USP10: variants seen among roughly 807,000 people sequenced by gnomAD.
USP10 encodes the protein ubiquitin carboxyl-terminal hydrolase 10.
Under a neutral mutation model 84.5 loss-of-function variants are expected in USP10, and 22 were observed. The observed-to-expected ratio is 0.26, with a 90% CI of 0.19 to 0.37. USP10 has a LOEUF of 0.37. Ranked by LOEUF, USP10 falls within the 10% of genes least tolerant of loss-of-function variation. USP10 has a pLI of 1.00. For missense variants in USP10, 1,019 were observed against 998.9 expected, an observed-to-expected ratio of 1.02 and a Z score of -0.27; for synonymous variants, 454 against 387.6, an observed-to-expected ratio of 1.17 and a Z score of -2.01.
At chr16:84,765,560 T>G (rs1171877689) in intron 10 of USP10, among the ~76,000 whole-genome samples, 1 of 152,094 alleles carries the variant, frequency 6.6e-6, no homozygotes, top group Non-Finnish European at 1.5e-5. Context: ...TTTAACTTAG[T>G]ATAATGTTCC....
At chr16:84,732,121 C>T (rs911472231) in intron 1 of USP10, among the ~76,000 whole-genome samples, 1 of 152,194 alleles carries the variant, frequency 6.6e-6, no homozygotes. Context: ...TCTCCAGAAA[C>T]GTTTTCCCTG....
At position 84,700,099 on chromosome 16, in the gene USP10, C is replaced by T. The variant is rs1414930639; in HGVS notation, c.9C>T (p.Leu3=). Residue 3 remains leucine (L), a synonymous_variant, in exon 1 of 14, where the codon CTC becomes CTT. Transcript: ENST00000219473. MA[L]HSPQYIFGDF... ...CAATGAAACGGGCAGCCATGGCCCTCCACAGCCCGCAGGTAGCCGCCGGTC... is the reference window on the plus strand; with the variant it reads ...CAATGAAACGGGCAGCCATGGCCCTTCACAGCCCGCAGGTAGCCGCCGGTC... 7.4e-7 allele frequency: 1 copy of T among 1,358,886 alleles called. No homozygotes were observed. The highest frequency in any genetic ancestry group is 1.4e-5 in the South Asian group (1 of 71,110). The allele number at this position is 1,358,886 out of a possible 1,614,324, so 84.2% of individuals were successfully genotyped here. A position where few individuals can be genotyped will look rare whatever the true frequency, so the allele number is the denominator to read the frequency against.
intron 1 of USP10, among the ~76,000 whole-genome samples, chr16:84,728,123 G>A (rs1337323859): frequency 6.6e-6 from 1 of 152,126 alleles, no homozygotes. Context: ...ACATTTGATT[G>A]GAAGTTAGGA....
intron 4 of USP10, among the ~76,000 whole-genome samples, chr16:84,747,131 G>C (rs893961280): frequency 1.3e-5 from 2 of 152,176 alleles, no homozygotes; most frequent in Non-Finnish European, 2.9e-5. Context: ...GCGCGTGACT[G>C]TACGTACCTA....
rs1410741636 is a variant in USP10, at chr16:84,764,749, T to G, written c.1832+486T>G. Among the ~76,000 whole-genome samples the G allele has an allele frequency of 4.0e-5, 6 of 151,756 alleles. No individual in the cohort carries two copies. In the East Asian group the frequency reaches 1.2e-3, roughly 29 times the overall value. ...GGGAGGCTGAGGCAGGAGAATCGCT[T>G]GAACCCAGGAGGCAGAGGTTGCAGT... On this transcript the variant is annotated intron_variant, in intron 10 of 13. Transcript: ENST00000219473.
intron 4 of USP10, among the ~76,000 whole-genome samples, chr16:84,749,901 G>C (rs1247088219): frequency 6.6e-6 from 1 of 152,124 alleles, no homozygotes; most frequent in South Asian, 2.1e-4. Flanking sequence ...TGTTCCATTG[G>C]CTGTTTTTCA....
At chr16:84,748,907 T>C (rs1279802003) in intron 4 of USP10, among the ~76,000 whole-genome samples, 3 of 152,228 alleles carry the variant, frequency 2.0e-5, no homozygotes, top group African/African-American at 7.2e-5. Flanking sequence ...GGACATATTG[T>C]AAACCCCTAC....
At chr16:84,757,652 T>G (rs995076617) in intron 4 of USP10, among the ~76,000 whole-genome samples, 2 of 152,136 alleles carry the variant, frequency 1.3e-5, no homozygotes, top group Admixed American at 6.5e-5. Context: ...GAATTTTTGA[T>G]TTTTGTTGGT....
intron 2 of USP10, among the ~76,000 whole-genome samples, chr16:84,735,196 GGTGTGTGTGTGT>G (rs34240400): frequency 9.6e-5 from 14 of 146,380 alleles, no homozygotes; most frequent in African/African-American, 1.3e-4. Flanking sequence ...AGGCCCGGGT[GGTGTGTGTGTGT>G]GTGTGTGTGT....
chr16:84,773,535 C>T (rs965175525), intron 12 of USP10, among the ~76,000 whole-genome samples: 2 of 152,202 alleles, frequency 1.3e-5, no homozygotes, highest in Non-Finnish European at 2.9e-5. Flanking sequence ...CCTATACCTT[C>T]CCGTGAAGAC....
At chr16:84,763,893 C>A (rs566082211) in intron 9 of USP10, among the ~76,000 whole-genome samples, 193 bp from the exon 10 acceptor site, 1 of 151,466 alleles carries the variant, frequency 6.6e-6, no homozygotes, top group Non-Finnish European at 1.5e-5. Flanking sequence ...TGCCGTGGAT[C>A]CAGTGACATT....
At chr16:84,724,111 A>G (rs1231809015) in intron 1 of USP10, among the ~76,000 whole-genome samples, 1 of 152,234 alleles carries the variant, frequency 6.6e-6, no homozygotes, top group African/African-American at 2.4e-5. Flanking sequence ...AATTTTACAC[A>G]GGAAGTTATT....
chr16:84,725,024 C>T (rs1259151424), intron 1 of USP10, among the ~76,000 whole-genome samples: 1 of 152,108 alleles, frequency 6.6e-6, no homozygotes, highest in Non-Finnish European at 1.5e-5. Context: ...TTTTTTAAAA[C>T]TTTATTGAGA....
At chr16:84,758,650 G>A (rs1402924960) in intron 4 of USP10, 66 bp from the exon 5 acceptor site, 2 of 1,145,738 alleles carry the variant, frequency 1.7e-6, no homozygotes, top group Non-Finnish European at 2.6e-6. Flanking sequence ...TAGAGCATGT[G>A]AAATGATTTG....
At chr16:84,749,598 C>T (rs1418735075) in intron 4 of USP10, among the ~76,000 whole-genome samples, 3 of 151,730 alleles carry the variant, frequency 2.0e-5, no homozygotes, top group Non-Finnish European at 2.9e-5. Context: ...ATTATACACA[C>T]ACAAAATGCT....
rs992748777 is a variant in USP10 at position 84,775,207 on chromosome 16, A to G, written c.2191A>G (p.Thr731Ala). Residue 731 changes from threonine to alanine, a missense_variant, in exon 13 of 14, where the codon ACC becomes GCC. Around this residue, in one of 2 missense-constraint regions of USP10, gnomAD observed 232 missense variants for 290.1 expected, o/e 0.80. Transcript: ENST00000219473. Reference sequence around the variant, plus strand: ...AAATAAGAATTTTAAATGCCACCGAACCTATCGGCTCTTTGCAGGTGAGTA... The same window carrying G: ...AAATAAGAATTTTAAATGCCACCGAGCCTATCGGCTCTTTGCAGGTGAGTA... ...VKNKNFKCHRTYRLFAVVYHH... is the reference protein window; with the variant it reads ...VKNKNFKCHRAYRLFAVVYHH... 1 of 1,613,692 alleles carries G rather than the reference A, an allele frequency of 6.2e-7. No individual in the cohort carries two copies.
At chr16:84,774,062 C>T (rs1041569612) in intron 12 of USP10, among the ~76,000 whole-genome samples, 2 of 152,192 alleles carry the variant, frequency 1.3e-5, no homozygotes, top group South Asian at 2.1e-4. Context: ...CCAGCCTGAC[C>T]AACGTGGTGA....
At chr16:84,741,703 T>G (rs1002900844) in intron 3 of USP10, among the ~76,000 whole-genome samples, 1 of 152,238 alleles carries the variant, frequency 6.6e-6, no homozygotes, top group African/African-American at 2.4e-5. Context: ...ACTGGAATCT[T>G]GCCACCAGTT....
At chr16:84,768,973 G>C (rs973166959) in intron 11 of USP10, among the ~76,000 whole-genome samples, 1 of 152,184 alleles carries the variant, frequency 6.6e-6, no homozygotes, top group Non-Finnish European at 1.5e-5. Context: ...ATTCTGCCCT[G>C]TGAGAGCTTA....
Sources: allele counts gnomAD v4.1 joint callset (sites outside exome capture counted in the v4.1 genomes callset), GRCh38; gene constraint gnomAD v4.1.1; regional missense constraint gnomAD v4.1.1; transcripts MANE v1.5; gene names NCBI Gene and HGNC (gene_info 2026-07-23, HGNC 2026-07-21).